Variants in PPM1E observed in about 807,000 individuals in gnomAD.
The protein encoded by PPM1E is protein phosphatase 1E.
In PPM1E, 20 loss-of-function variants were observed where a neutral mutation model predicts 65.9. The ratio of observed to expected loss-of-function variants is 0.30; its 90% confidence interval spans 0.21 to 0.44. The LOEUF (loss-of-function observed/expected upper bound fraction) is 0.44. PPM1E is among the 20% of genes least tolerant of loss of function. The probability of loss-of-function intolerance (pLI) is 1.00; values close to 1 mark genes in which losing one functional copy is unlikely to be tolerated. For missense variants in PPM1E, 713 were observed against 953.1 expected, an observed-to-expected ratio of 0.75 and a Z score of 3.32; for synonymous variants, 352 against 374.9, an observed-to-expected ratio of 0.94 and a Z score of 0.70.
chr17:58,836,759 C>T (rs1248327992), intron 1 of PPM1E, among the ~76,000 whole-genome samples: 2 of 148,220 alleles, frequency 1.3e-5, no homozygotes, highest in African/African-American at 4.9e-5. Flanking sequence ...CGGTGGCTCA[C>T]GCCTGTAATC....
chr17:58,807,233 AAG>A (rs1405203831), intron 1 of PPM1E, among the ~76,000 whole-genome samples: 1 of 152,184 alleles, frequency 6.6e-6, no homozygotes, highest in Non-Finnish European at 1.5e-5. Flanking sequence ...ATTTTTTAAA[AAG>A]AAAATGTTTT....
chr17:58,873,603 A>ATTG (rs2051096688), intron 1 of PPM1E, among the ~76,000 whole-genome samples: 1 of 122,462 alleles, frequency 8.2e-6, no homozygotes, highest in African/African-American at 3.1e-5. Context: ...TATTATTATT[A>ATTG]TTATTTTCGA....
At chr17:58,792,266 AATT>A (rs1013933558) in intron 1 of PPM1E, among the ~76,000 whole-genome samples, 4 of 148,324 alleles carry the variant, frequency 2.7e-5, no homozygotes, top group Non-Finnish European at 4.5e-5. Flanking sequence ...TAGTAATAAT[AATT>A]ATTACTATAT....
Position 58,898,315 on chromosome 17 carries a change from A to G in PPM1E, c.465-57334A>G, listed in dbSNP as rs376287336. ...AAGAACTTAAACAAATTTACAAGAA[A>G]AAATCAAACAACCCCGTCAAAAAGT... On this transcript the variant is annotated intron_variant, in intron 1 of 6. Coordinates refer to ENST00000308249, the MANE Select transcript of PPM1E (RefSeq NM_014906.5). 5.7e-4 allele frequency among the ~76,000 whole-genome samples: 87 copies of G among 152,276 alleles called. 2 individuals carry two copies. In the South Asian group the frequency reaches 0.014, roughly 25 times the overall value.
Position 58,982,794 on chromosome 17 carries a change from A to G in PPM1E, c.*1763A>G. 1.1e-6 allele frequency: 1 copy of G among 899,928 alleles called. No individual in the cohort carries two copies. Among genetic ancestry groups the G allele is most frequent in the South Asian group, 1.8e-5 (1 of 55,498 alleles). 55.7% of individuals were successfully genotyped at this position (899,928 alleles called of 1,614,324 possible). A position where few individuals can be genotyped will look rare whatever the true frequency, so the allele number is the denominator to read the frequency against. ...AAAAGGAGTCAACATGGCCCCAACT[A>G]TAGTGCCGGAACCTTTTCATCATTC... On this transcript the variant is annotated 3_prime_UTR_variant, in exon 7 of 7. Transcript: ENST00000308249.
intron 2 of PPM1E, among the ~76,000 whole-genome samples, chr17:58,956,449 A>C (rs1273738215): frequency 1.6e-5 from 2 of 124,308 alleles, no homozygotes; most frequent in East Asian, 2.2e-4. Flanking sequence ...AAAAAACAAA[A>C]AACAAAAAAC....
At chr17:58,859,832 G>A (rs528589078) in intron 1 of PPM1E, among the ~76,000 whole-genome samples, 41 of 152,308 alleles carry the variant, frequency 2.7e-4, no homozygotes, top group African/African-American at 9.6e-4. Flanking sequence ...TGTTCAGAGA[G>A]GTGTTGGATC....
At position 58,980,335 on chromosome 17, in the gene PPM1E, G is replaced by A. The variant is rs1467247864; in HGVS notation, c.1572G>A (p.Glu524=). The A allele has an allele frequency of 6.2e-7, 1 of 1,614,118 alleles. No homozygotes were observed. Among genetic ancestry groups the A allele is most frequent in the African/African-American group, 1.3e-5 (1 of 75,044 alleles). ...DGGDDKENHG[E]CKRPWPQHQC... ...GGGATGATAAGGAGAATCATGGAGAGTGCAAACGCCCTTGGCCTCAGCACC... is the reference window on the plus strand; with the variant it reads ...GGGATGATAAGGAGAATCATGGAGAATGCAAACGCCCTTGGCCTCAGCACC... Residue 524 remains glutamate, a synonymous_variant, in exon 7 of 7, where the codon GAG becomes GAA. Coordinates refer to ENST00000308249, the MANE Select transcript of PPM1E (RefSeq NM_014906.5). The surrounding 1 kb of genome is among the most constrained non-coding windows in gnomAD (Gnocchi z 4.7).
chr17:58,836,772 A>G (rs1330820296), intron 1 of PPM1E, among the ~76,000 whole-genome samples: 2 of 147,494 alleles, frequency 1.4e-5, no homozygotes, highest in Admixed American at 6.7e-5. Context: ...CTGTAATCCC[A>G]GCACTTTGGG....
rs2031430404 is a variant in PPM1E at position 58,982,698 on chromosome 17, G to C, written c.*1667G>C. ...ATTTTTTAAAATTTGGATGTAAGTA[G>C]AGACTTTCAGTATTTGTTTTCTCTT... On this transcript the variant is annotated 3_prime_UTR_variant, in exon 7 of 7. Coordinates refer to ENST00000308249, the MANE Select transcript of PPM1E (RefSeq NM_014906.5). The C allele has an allele frequency of 4.0e-6, 2 of 497,532 alleles. No individual in the cohort carries two copies. Among genetic ancestry groups the C allele is most frequent in the Admixed American group, 3.5e-5 (1 of 28,436 alleles). 30.8% of individuals were successfully genotyped at this position (497,532 alleles called of 1,614,324 possible).
intron 1 of PPM1E, among the ~76,000 whole-genome samples, chr17:58,803,724 G>T (rs1439387701): frequency 6.6e-6 from 1 of 152,162 alleles, no homozygotes; most frequent in East Asian, 1.9e-4. Context: ...TAACCTGTAA[G>T]ACAAAAGTAT....
At chr17:58,920,311 G>A (rs1465940352) in intron 1 of PPM1E, among the ~76,000 whole-genome samples, 1 of 152,136 alleles carries the variant, frequency 6.6e-6, no homozygotes, top group Non-Finnish European at 1.5e-5. Flanking sequence ...AGATATCTCT[G>A]TTTCTTGACC....
At chr17:58,758,398 C>T (rs1486679771) in intron 1 of PPM1E, among the ~76,000 whole-genome samples, 2 of 151,832 alleles carry the variant, frequency 1.3e-5, no homozygotes, top group East Asian at 1.9e-4. Context: ...CGTGGTGTCG[C>T]GCGCCTGTAA....
intron 1 of PPM1E, among the ~76,000 whole-genome samples, chr17:58,948,547 AG>A (rs1424277597): frequency 2.0e-5 from 3 of 152,248 alleles, no homozygotes; most frequent in Admixed American, 2.0e-4. Flanking sequence ...TTTGTGTACC[AG>A]TAGTTACACT....
intron 1 of PPM1E, among the ~76,000 whole-genome samples, chr17:58,861,358 TTATTAA>T (rs1466209774): frequency 6.6e-6 from 1 of 152,200 alleles, no homozygotes; most frequent in Non-Finnish European, 1.5e-5. Context: ...TCTATTATAA[TTATTAA>T]TATTAAGAGT....
At chr17:58,759,382 G>C (rs2049801407) in intron 1 of PPM1E, among the ~76,000 whole-genome samples, 1 of 152,340 alleles carries the variant, frequency 6.6e-6, no homozygotes, top group East Asian at 1.9e-4. Context: ...AAAAGGTGGA[G>C]GTGAGAGATT....
In PPM1E at chr17:58,983,373, G is replaced by T. The variant is rs891265136; in HGVS notation, c.*2342G>T. On this transcript the variant is annotated 3_prime_UTR_variant, in exon 7 of 7. Coordinates refer to ENST00000308249, the MANE Select transcript of PPM1E (RefSeq NM_014906.5). ...ATTCTATAATACATACTAAAATAGT[G>T]GTTATTGGTCTGATATATGCTGCTC... 1.3e-5 allele frequency: 2 copies of T among 154,932 alleles called. No individual in the cohort carries two copies. Among genetic ancestry groups the T allele is most frequent in the Admixed American group, 1.3e-4 (2 of 15,580 alleles). 9.6% of individuals were successfully genotyped at this position (154,932 alleles called of 1,614,324 possible). A position where few individuals can be genotyped will look rare whatever the true frequency, so the allele number is the denominator to read the frequency against.
At chr17:58,946,450 T>C (rs764639368) in intron 1 of PPM1E, among the ~76,000 whole-genome samples, 38 of 152,314 alleles carry the variant, frequency 2.5e-4, no homozygotes, top group Admixed American at 2.2e-3. Context: ...TCATTAGATA[T>C]ATGATTTGCA....
intron 1 of PPM1E, among the ~76,000 whole-genome samples, chr17:58,794,711 G>A (rs531061712): frequency 8.6e-4 from 131 of 152,170 alleles, no homozygotes; most frequent in African/African-American, 3.1e-3. Context: ...ATGGCCTTGA[G>A]CTCCATCCAT....
Sources: gnomAD v4.1 joint callset for allele counts (sites outside exome capture counted in the v4.1 genomes callset) on GRCh38, gnomAD v4.1.1 for gene constraint, Gnocchi (gnomAD v3.1) non-coding constraint, MANE v1.5 for transcripts, NCBI Gene and HGNC (gene_info 2026-07-23, HGNC 2026-07-21) for gene names.